DNAL1: variants seen among roughly 807,000 people sequenced by gnomAD.
The protein encoded by DNAL1 is dynein axonemal light chain 1, also known as chromosome 14 open reading frame 168.
In DNAL1, 17 loss-of-function variants were observed where a neutral mutation model predicts 29.4. The observed-to-expected ratio is 0.58, with a 90% CI of 0.40 to 0.87. The LOEUF (loss-of-function observed/expected upper bound fraction) is 0.87, where lower values mean the gene tolerates loss of function less well. Among genes scored for constraint, DNAL1 ranks in the 40% least tolerant of loss-of-function variants. DNAL1 has a pLI of 0.00. For synonymous variants in DNAL1, 78 were observed against 76.3 expected (o/e 1.02, Z -0.12); for missense variants, 188 against 214.1 (o/e 0.88, Z 0.76).
chr14:73,645,003 C>T lies in DNAL1; in HGVS notation c.-37C>T. The stretch of plus-strand genomic sequence containing the variant: ...GCGCACGCGCACTGACCCCGCGGGC[C>T]CTAGCAACCAGAGCAGTGACAGTAG... On this transcript the variant is annotated 5_prime_UTR_variant, in exon 1 of 8. Coordinates refer to ENST00000553645, the MANE Select transcript of DNAL1 (RefSeq NM_031427.4). The T allele has an allele frequency of 6.2e-7, 1 of 1,607,320 alleles. No homozygotes were observed. Among genetic ancestry groups the T allele is most frequent in the East Asian group, 2.2e-5 (1 of 44,592 alleles).
At chr14:73,659,068 T>G (rs1891279307) in intron 3 of DNAL1, 112 bp downstream of exon 3, 1 of 760,880 alleles carries the variant, frequency 1.3e-6, no homozygotes, top group Non-Finnish European at 2.0e-6. Context: ...TATTTTTTGT[T>G]TGCTTAGTGT....
chr14:73,658,784 TG>T, intron 2 of DNAL1, 62 bp from the exon 3 acceptor site: 1 of 1,228,944 alleles, frequency 8.1e-7, no homozygotes, highest in Non-Finnish European at 1.2e-6. Context: ...TAGGAAATTC[TG>T]GCCTCTTTTG....
chr14:73,658,703 T>G, intron 2 of DNAL1, 144 bp from the exon 3 acceptor site: 1 of 522,076 alleles, frequency 1.9e-6, no homozygotes. Context: ...TTTCAATAAG[T>G]TAATGGTAAA....
chr14:73,652,500 T>C (rs977382112), intron 1 of DNAL1, among the ~76,000 whole-genome samples: 1 of 152,070 alleles, frequency 6.6e-6, no homozygotes, highest in African/African-American at 2.4e-5. Flanking sequence ...GGTCTCGAAC[T>C]CCTGGGCTCA....
At chr14:73,651,890 C>T (rs1461255210) in intron 1 of DNAL1, among the ~76,000 whole-genome samples, 1 of 152,122 alleles carries the variant, frequency 6.6e-6, no homozygotes, top group Non-Finnish European at 1.5e-5. Context: ...CTCCTGACCT[C>T]AAGTGATCTA....
intron 5 of DNAL1, among the ~76,000 whole-genome samples, chr14:73,677,884 T>TATATTTGTGTGTGTG (rs1555402397): frequency 2.3e-4 from 22 of 96,128 alleles, no homozygotes; most frequent in Non-Finnish European, 4.4e-4. Context: ...ATATATATAT[T>TATATTTGTGTGTGTG]TGTGTGTGTG....
intron 1 of DNAL1, among the ~76,000 whole-genome samples, chr14:73,649,499 G>A (rs2140022569): frequency 6.6e-6 from 1 of 150,438 alleles, no homozygotes; most frequent in East Asian, 1.9e-4. Flanking sequence ...AGCCAGGATG[G>A]TCTCGATCTC....
At chr14:73,685,345 C>T (rs1055452648) in intron 5 of DNAL1, among the ~76,000 whole-genome samples, 1 of 152,108 alleles carries the variant, frequency 6.6e-6, no homozygotes, top group East Asian at 1.9e-4. Context: ...CTAGGTATTT[C>T]ATATAAGTAG....
chr14:73,655,272 A>G (rs1891191062), intron 2 of DNAL1, among the ~76,000 whole-genome samples: 1 of 152,148 alleles, frequency 6.6e-6, no homozygotes, highest in South Asian at 2.1e-4. Context: ...TAAATATGGA[A>G]AGGCCAATTT....
intron 3 of DNAL1, 44 bp from the exon 4 acceptor site, chr14:73,661,943 C>A: frequency 7.6e-7 from 1 of 1,315,734 alleles, no homozygotes; most frequent in Non-Finnish European, 1.1e-6. Context: ...TCTGATTTAC[C>A]ATTTACATTT....
rs1217442104 is a variant in DNAL1, at chr14:73,702,673, A to G, written c.*6731A>G. ...GGCCCTGAATTGAGAAAAAGGAATC[A>G]CCAAGCAATATCCGTAACATTACAC... is the stretch of plus-strand genomic sequence containing the variant. On this transcript the variant is annotated 3_prime_UTR_variant, in exon 8 of 8. Coordinates refer to ENST00000553645, the MANE Select transcript of DNAL1 (RefSeq NM_031427.4). 4 of 152,214 alleles carry G rather than the reference A, an allele frequency of 2.6e-5. No individual in the cohort carries two copies. The highest frequency in any genetic ancestry group is 1.3e-4 in the Admixed American group (2 of 15,282). The allele number at this position is 152,214 out of a possible 1,614,324, so 9.4% of individuals were successfully genotyped here.
At position 73,689,031 on chromosome 14, in the gene DNAL1, T is replaced by G. The variant is rs1260912235; in HGVS notation, c.392-344T>G. Among the ~76,000 whole-genome samples the G allele has an allele frequency of 3.9e-3, 519 of 133,152 alleles. 8 individuals carry two copies. Among genetic ancestry groups the G allele is most frequent in the Non-Finnish European group, 5.8e-3 (359 of 62,160 alleles). The allele number at this position is 133,152 out of a possible 152,430, so 87.4% of individuals were successfully genotyped here. A position where few individuals can be genotyped will look rare whatever the true frequency, so the allele number is the denominator to read the frequency against. ...TTGTAACAGTAAAACTTGCTGTTTT[T>G]TTTTTTTTTTTTTTTTTTTTGAGAC... On this transcript the variant is annotated intron_variant, in intron 6 of 7. Coordinates refer to ENST00000553645, the MANE Select transcript of DNAL1 (RefSeq NM_031427.4).
chr14:73,660,900 C>T (rs1421131324), intron 3 of DNAL1, among the ~76,000 whole-genome samples: 1 of 152,150 alleles, frequency 6.6e-6, no homozygotes, highest in East Asian at 1.9e-4. Context: ...GTGCTAGCTG[C>T]CTTAACAAGA....
chr14:73,669,194 T>C (rs2140040283), intron 4 of DNAL1, among the ~76,000 whole-genome samples: 1 of 152,152 alleles, frequency 6.6e-6, no homozygotes, highest in East Asian at 1.9e-4. Flanking sequence ...GGCTAGAGTG[T>C]AGTGGTGCAA....
At chr14:73,680,583 G>A (rs4899475) in intron 5 of DNAL1, among the ~76,000 whole-genome samples, 34,313 of 152,002 alleles carry the variant, frequency 0.23, 5,048 homozygotes, top group Non-Finnish European at 0.33. Flanking sequence ...ATATATATAC[G>A]TTGTGTAATG....
At chr14:73,672,967 C>T (rs1438985818) in intron 5 of DNAL1, 3 of 151,546 alleles carry the variant, frequency 2.0e-5, no homozygotes, top group African/African-American at 7.3e-5. Context: ...ACCGTAGTAG[C>T]CAGGATGGTC....
chr14:73,682,786 C>T (rs1891919190), intron 5 of DNAL1, among the ~76,000 whole-genome samples: 1 of 151,794 alleles, frequency 6.6e-6, no homozygotes, highest in South Asian at 2.1e-4. Context: ...CAGTAACACA[C>T]ATGGAGCCAC....
At chr14:73,654,264 G>C (rs1250580071) in intron 1 of DNAL1, among the ~76,000 whole-genome samples, 1 of 152,122 alleles carries the variant, frequency 6.6e-6, no homozygotes, top group Non-Finnish European at 1.5e-5. Context: ...CATATTTTTT[G>C]TAAACCAAGT....
chr14:73,666,789 A>G (rs1316093380), intron 4 of DNAL1, among the ~76,000 whole-genome samples: 2 of 152,104 alleles, frequency 1.3e-5, no homozygotes, highest in Admixed American at 1.3e-4. Context: ...GAATCAGCGT[A>G]TTTTTTGATA....
Sources: allele counts gnomAD v4.1 joint callset (sites outside exome capture counted in the v4.1 genomes callset), GRCh38; gene constraint gnomAD v4.1.1; transcripts MANE v1.5; gene names NCBI Gene and HGNC (gene_info 2026-07-23, HGNC 2026-07-21).